SHISA9: variants seen among roughly 807,000 people sequenced by gnomAD.
The protein encoded by SHISA9 is protein shisa-9.
SHISA9 carries 13 observed loss-of-function variants against 38.0 expected under a neutral mutation model. That is an observed-to-expected ratio of 0.34 (90% confidence interval 0.22 to 0.54). SHISA9 has a LOEUF of 0.54. Ranked by LOEUF, SHISA9 falls within the 20% of genes least tolerant of loss-of-function variation. The probability of loss-of-function intolerance (pLI) is 0.91; values close to 1 mark genes in which losing one functional copy is unlikely to be tolerated. For synonymous variants in SHISA9, 275 were observed against 242.0 expected (o/e 1.14, Z -1.27); for missense variants, 538 against 575.8 (o/e 0.93, Z 0.67).
chr16:13,101,056 T>C (rs1008040054), intron 2 of SHISA9, among the ~76,000 whole-genome samples: 1 of 152,206 alleles, frequency 6.6e-6, no homozygotes, highest in Non-Finnish European at 1.5e-5. Flanking sequence ...TGTCTTTCCA[T>C]GCCTGGCTTA....
chr16:12,990,252 A>G (rs1422980781), intron 2 of SHISA9, among the ~76,000 whole-genome samples: 1 of 152,190 alleles, frequency 6.6e-6, no homozygotes, highest in Non-Finnish European at 1.5e-5. Flanking sequence ...ATACATGTGC[A>G]TCTATCTTTA....
chr16:13,108,110 T>C (rs944412478), intron 2 of SHISA9, among the ~76,000 whole-genome samples: 11 of 151,766 alleles, frequency 7.2e-5, no homozygotes, highest in African/African-American at 2.4e-4. Flanking sequence ...AAGTAGGATA[T>C]CCAAAGAGAG....
At chr16:13,494,639 G>T in the SHISA9 span, among the ~76,000 whole-genome samples, 1 of 151,742 alleles carries the variant, frequency 6.6e-6, no homozygotes, top group South Asian at 2.1e-4. Flanking sequence ...AACTTATAGG[G>T]GAATGGTTAA....
the SHISA9 span, among the ~76,000 whole-genome samples, chr16:13,430,797 T>C: frequency 6.6e-6 from 1 of 151,746 alleles, no homozygotes; most frequent in African/African-American, 2.4e-5. Flanking sequence ...AACATGCCTG[T>C]AGTCCCAGCT....
chr16:13,559,446 T>C, the SHISA9 span, among the ~76,000 whole-genome samples: 1 of 151,646 alleles, frequency 6.6e-6, no homozygotes, highest in Non-Finnish European at 1.5e-5. Context: ...GGCACAATCA[T>C]AGCTCATTGC....
At chr16:13,361,898 C>T in the SHISA9 span, among the ~76,000 whole-genome samples, 1 of 152,148 alleles carries the variant, frequency 6.6e-6, no homozygotes, top group Non-Finnish European at 1.5e-5. Context: ...TTTACATTAA[C>T]ATGTAATTGT....
intron 2 of SHISA9, among the ~76,000 whole-genome samples, chr16:13,073,054 G>T (rs1029600750): frequency 6.6e-6 from 1 of 152,098 alleles, no homozygotes; most frequent in East Asian, 1.9e-4. Context: ...GCCTTTCAGA[G>T]TGCTGGGATT....
At chr16:13,327,262 C>T in the SHISA9 span, among the ~76,000 whole-genome samples, 4 of 152,210 alleles carry the variant, frequency 2.6e-5, no homozygotes, top group African/African-American at 9.6e-5. Flanking sequence ...CATGACCTGG[C>T]ATGAGTTGGG....
At chr16:13,409,806 T>C in the SHISA9 span, among the ~76,000 whole-genome samples, 2 of 152,236 alleles carry the variant, frequency 1.3e-5, no homozygotes, top group African/African-American at 2.4e-5. Flanking sequence ...TAAGATATTT[T>C]ACTTTTGCAA....
the SHISA9 span, among the ~76,000 whole-genome samples, chr16:13,439,166 G>T: frequency 2.6e-5 from 4 of 152,180 alleles, no homozygotes; most frequent in Non-Finnish European, 5.9e-5. Context: ...TGGACCCTAT[G>T]TCTCCTCTTT....
the SHISA9 span, among the ~76,000 whole-genome samples, chr16:13,392,041 C>G: frequency 6.6e-6 from 1 of 152,138 alleles, no homozygotes; most frequent in African/African-American, 2.4e-5. Flanking sequence ...TGAGGAACAA[C>G]GTGTTGCCAG....
intron 2 of SHISA9, among the ~76,000 whole-genome samples, chr16:12,948,140 A>G (rs1203665204): frequency 2.0e-5 from 3 of 152,226 alleles, no homozygotes; most frequent in Non-Finnish European, 4.4e-5. Flanking sequence ...TAATGCGTCT[A>G]TGATATCTAT....
chr16:13,233,199 G>T (rs183465299), intron 4 of SHISA9, among the ~76,000 whole-genome samples: 1,883 of 152,046 alleles, frequency 0.012, 19 homozygotes, highest in Non-Finnish European at 0.02. Flanking sequence ...AGACCCCTTA[G>T]ATAGAAATCT....
At chr16:13,210,807 C>T (rs2051111777) in intron 3 of SHISA9, among the ~76,000 whole-genome samples, 1 of 152,206 alleles carries the variant, frequency 6.6e-6, no homozygotes, top group African/African-American at 2.4e-5. Context: ...TAGTAAATGG[C>T]AGAGCCAAGT....
chr16:13,053,019 A>G (rs2073270449), intron 2 of SHISA9, among the ~76,000 whole-genome samples: 1 of 132,218 alleles, frequency 7.6e-6, no homozygotes, highest in Admixed American at 8.8e-5. Context: ...GCTGGAGTGC[A>G]GTGGCATGCT....
intron 2 of SHISA9, among the ~76,000 whole-genome samples, chr16:13,019,659 T>C (rs949618208): frequency 4.6e-5 from 7 of 152,050 alleles, no homozygotes; most frequent in African/African-American, 7.2e-5. Flanking sequence ...GTTTGGTACA[T>C]AGGTAAACTT....
the SHISA9 span, among the ~76,000 whole-genome samples, chr16:13,287,126 C>T: frequency 2.6e-5 from 4 of 152,100 alleles, no homozygotes; most frequent in Non-Finnish European, 5.9e-5. Flanking sequence ...TTATTTAAAA[C>T]ACTGTAACAT....
chr16:13,103,986 C>T (rs1041626178), intron 2 of SHISA9, among the ~76,000 whole-genome samples: 1 of 152,268 alleles, frequency 6.6e-6, no homozygotes, highest in Non-Finnish European at 1.5e-5. Flanking sequence ...TAGAGTCCTA[C>T]GAAAACACAG....
At chr16:13,224,186 T>C (rs2051256737) in intron 4 of SHISA9, among the ~76,000 whole-genome samples, 1 of 152,082 alleles carries the variant, frequency 6.6e-6, no homozygotes, top group Non-Finnish European at 1.5e-5. Flanking sequence ...AGTGGGGAAA[T>C]AGAGAGGAAG....
Sources: allele counts gnomAD v4.1 joint callset (sites outside exome capture counted in the v4.1 genomes callset), GRCh38; gene constraint gnomAD v4.1.1; transcripts MANE v1.5; gene names NCBI Gene and HGNC (gene_info 2026-07-23, HGNC 2026-07-21).